Variants in RHOBTB3 observed in about 807,000 individuals in gnomAD.
The protein encoded by RHOBTB3 is rho-related BTB domain-containing protein 3.
Under a neutral mutation model 67.2 loss-of-function variants are expected in RHOBTB3, and 47 were observed. That is an observed-to-expected ratio of 0.70 (90% confidence interval 0.55 to 0.89). The LOEUF (loss-of-function observed/expected upper bound fraction) is 0.89, where lower values mean the gene tolerates loss of function less well. Among genes scored for constraint, RHOBTB3 ranks in the 40% least tolerant of loss-of-function variants. RHOBTB3 has a pLI of 0.00. For synonymous variants in RHOBTB3, 273 were observed against 274.2 expected, an observed-to-expected ratio of 1.00 and a Z score of 0.04; for missense variants, 631 against 750.0, an observed-to-expected ratio of 0.84 and a Z score of 1.85.
intron 4 of RHOBTB3, 56 bp from the exon 5 acceptor site, chr5:95,752,183 C>A: frequency 3.8e-6 from 4 of 1,060,896 alleles, no homozygotes; most frequent in African/African-American, 1.6e-5. Flanking sequence ...TGCAAATTTT[C>A]ATGTTGGATA....
chr5:95,718,339 A>AAGGCACTATCAGAGGGATC (rs1754747453), intron 1 of RHOBTB3, among the ~76,000 whole-genome samples: 1 of 152,244 alleles, frequency 6.6e-6, no homozygotes, highest in South Asian at 2.1e-4. Flanking sequence ...AGGTCTACAC[A>AAGGCACTATCAGAGGGATC]AGGCACTATC....
chr5:95,721,393 A>G (rs865805427), intron 1 of RHOBTB3, among the ~76,000 whole-genome samples: 1 of 152,216 alleles, frequency 6.6e-6, no homozygotes, highest in Admixed American at 6.5e-5. Context: ...AGCTGGTAAC[A>G]CAAGAACATG....
At chr5:95,781,085 C>G (rs1746033315) in intron 9 of RHOBTB3, among the ~76,000 whole-genome samples, 1 of 152,196 alleles carries the variant, frequency 6.6e-6, no homozygotes, top group South Asian at 2.1e-4. Context: ...TAGGTTGGAA[C>G]AGATCCAGCA....
chr5:95,792,067 G>A (rs1429719093), intron 11 of RHOBTB3, among the ~76,000 whole-genome samples: 2 of 152,112 alleles, frequency 1.3e-5, no homozygotes, highest in Non-Finnish European at 2.9e-5. Flanking sequence ...AAGAATGGAG[G>A]GATCCAACTC....
At chr5:95,726,687 T>C (rs1755063023), upstream of RHOBTB3, among the ~76,000 whole-genome samples, 1 of 152,252 alleles carries the variant, frequency 6.6e-6, no homozygotes, top group South Asian at 2.1e-4. Context: ...TGGGGGTTTT[T>C]GCTTGTGCTT....
At position 95,776,981 on chromosome 5, in the gene RHOBTB3, G is replaced by C. The variant is rs559995685; in HGVS notation, c.1283-3271G>C. Among the ~76,000 whole-genome samples the C allele has an allele frequency of 5.3e-5, 8 of 152,194 alleles. No individual in the cohort carries two copies. The South Asian group carries it at 1.7e-3, about 32-fold the overall frequency. On this transcript the variant is annotated intron_variant, in intron 8 of 11. Transcript: ENST00000379982. Reference sequence around the variant, plus strand: ...CCAGGCCTTCCCCCAAAACTGGCTGGAATTAGCCTAGGATAGAAAATGGGA... The same window carrying C: ...CCAGGCCTTCCCCCAAAACTGGCTGCAATTAGCCTAGGATAGAAAATGGGA...
chr5:95,755,813 GA>G (rs748138775), intron 6 of RHOBTB3, 52 bp downstream of exon 6: 1 of 1,586,360 alleles, frequency 6.3e-7, no homozygotes, highest in Non-Finnish European at 8.6e-7. Flanking sequence ...CTTTGGAAAT[GA>G]AATGTGCCTG....
At position 95,736,967 on chromosome 5, in the gene RHOBTB3, A is replaced by G. The variant is rs773173572; in HGVS notation, c.307A>G (p.Asn103Asp). Residue 103 changes from asparagine to aspartate, a missense_variant, in exon 3 of 12, where the codon AAT becomes GAT. Transcript: ENST00000379982. ...CATCATTGTGATCAAATACAACGTTAATGACAAGTTTTCATTCCATGAAGT... is the reference window on the plus strand; with the variant it reads ...CATCATTGTGATCAAATACAACGTTGATGACAAGTTTTCATTCCATGAAGT... The part of the protein sequence containing the change: ...ADIIVIKYNV[N>D]DKFSFHEVKD... The G allele has an allele frequency of 5.6e-6, 9 of 1,611,550 alleles. No homozygotes were observed. In the South Asian group the frequency reaches 9.9e-5, roughly 18 times the overall value.
Position 95,788,039 on chromosome 5 carries a change from TA to T in RHOBTB3, c.1624-715del, listed in dbSNP as rs1043127922. Among the ~76,000 whole-genome samples, 103 of 152,148 alleles carry T rather than the reference TA, an allele frequency of 6.8e-4. 1 individual carries two copies. Among genetic ancestry groups the T allele is most frequent in the Middle Eastern group, 6.8e-3 (2 of 294 alleles). ...ACATATTGTACCACAATAATAATAA[TA>T]AAAAAAAGAGTTCTATACTCATGTG... On this transcript the variant is annotated intron_variant, in intron 10 of 11. Coordinates refer to ENST00000379982, the MANE Select transcript of RHOBTB3 (RefSeq NM_014899.4).
chr5:95,736,895 T>C lies in RHOBTB3; in HGVS notation c.235T>C (p.Phe79Leu), dbSNP rs752912885. ...VVHDCPVWDI[F>L]DSDWYTSRNL... ...TATTTGCATTTTGGTTTAGGACATA[T>C]TTGACAGTGATTGGTACACTTCTCG... The change falls in exon 3 of 12, where the codon TTT becomes CTT. Residue 79 changes from phenylalanine (F) to leucine (L), a missense_variant. Coordinates refer to ENST00000379982, the MANE Select transcript of RHOBTB3 (RefSeq NM_014899.4). 28 of 1,598,386 alleles carry C rather than the reference T, an allele frequency of 1.8e-5. No individual in the cohort carries two copies. In the East Asian group the frequency reaches 6.4e-4, roughly 36 times the overall value.
Position 95,793,234 on chromosome 5 carries a change from G to C in RHOBTB3, c.*60G>C, listed in dbSNP as rs1044033156. The C allele has an allele frequency of 8.9e-7, 1 of 1,124,606 alleles. No individual in the cohort carries two copies. Among genetic ancestry groups the C allele is most frequent in the Non-Finnish European group, 1.3e-6 (1 of 775,354 alleles). 69.7% of individuals were successfully genotyped at this position (1,124,606 alleles called of 1,614,324 possible). ...TATTATGAAGAATGGGATACCTCCA[G>C]GTTCCAGTAAAATTCTTCTGACCGA... On this transcript the variant is annotated 3_prime_UTR_variant, in exon 12 of 12. Transcript: ENST00000379982.
At chr5:95,755,061 A>C (rs1745202165) in intron 5 of RHOBTB3, among the ~76,000 whole-genome samples, 1 of 152,222 alleles carries the variant, frequency 6.6e-6, no homozygotes, top group Non-Finnish European at 1.5e-5. Flanking sequence ...TGGGACACAC[A>C]AGTAAGAAGA....
intron 2 of RHOBTB3, among the ~76,000 whole-genome samples, chr5:95,735,259 C>CTTTTTTTTTTT (rs10718378): frequency 2.2e-5 from 3 of 133,690 alleles, no homozygotes; most frequent in Non-Finnish European, 3.2e-5. Context: ...CATATTTTGC[C>CTTTTTTTTTTT]TTTTTTTTTT....
chr5:95,732,841 C>T (rs1210095049), intron 2 of RHOBTB3: 5 of 152,158 alleles, frequency 3.3e-5, no homozygotes, highest in Admixed American at 2.0e-4. Context: ...TAAATATTTT[C>T]AGCATACAAT....
At chr5:95,763,719 C>G (rs542536096) in intron 7 of RHOBTB3, 99 bp downstream of exon 7, 77 of 671,808 alleles carry the variant, frequency 1.1e-4, no homozygotes, top group Middle Eastern at 4.0e-4. Context: ...GAGTCAAATA[C>G]TGTATAAATG....
At position 95,731,535 on chromosome 5, in the gene RHOBTB3, C is replaced by T. The variant is rs1755248180; in HGVS notation, c.-148C>T. On this transcript the variant is annotated 5_prime_UTR_variant, in exon 1 of 12. Transcript: ENST00000379982. The stretch of plus-strand genomic sequence containing the variant: ...TGGCTGGCGCGGCCCCGGCCCCGCT[C>T]TGCGTCGGCCCCGCCGCGGTGGAGG... 2.9e-6 allele frequency: 4 copies of T among 1,384,602 alleles called. No homozygotes were observed. The East Asian group carries it at 1.2e-4, about 43-fold the overall frequency. 85.8% of individuals were successfully genotyped at this position (1,384,602 alleles called of 1,614,324 possible). A position where few individuals can be genotyped will look rare whatever the true frequency, so the allele number is the denominator to read the frequency against.
intron 4 of RHOBTB3, 73 bp from the exon 5 acceptor site, chr5:95,752,166 C>T: frequency 4.6e-6 from 4 of 876,114 alleles, no homozygotes; most frequent in Non-Finnish European, 7.4e-6. Context: ...ACAATTGTGA[C>T]TTCAGATGCA....
chr5:95,755,684 A>C lies in RHOBTB3; in HGVS notation c.971A>C (p.Asn324Thr). ...GGTGCTAGCCATGAATCTTCAGGCA[A>C]CCCACCATTACGAGTCATTGTTAAA... ...FPGASHESSG[N>T]PPLRVIVKDA... The change falls in exon 6 of 12, where the codon AAC becomes ACC. Residue 324 changes from asparagine (N) to threonine (T), a missense_variant. Coordinates refer to ENST00000379982, the MANE Select transcript of RHOBTB3 (RefSeq NM_014899.4). The C allele has an allele frequency of 6.2e-7, 1 of 1,614,136 alleles. No homozygotes were observed. The highest frequency in any genetic ancestry group is 1.6e-4 in the Middle Eastern group (1 of 6,062).
chr5:95,785,171 A>T (rs1368507819), intron 10 of RHOBTB3, among the ~76,000 whole-genome samples: 1 of 152,240 alleles, frequency 6.6e-6, no homozygotes, highest in Non-Finnish European at 1.5e-5. Flanking sequence ...ACTTCTGTTT[A>T]TAGAAGGGAA....
Sources: gnomAD v4.1 joint callset for allele counts (sites outside exome capture counted in the v4.1 genomes callset) on GRCh38, gnomAD v4.1.1 for gene constraint, MANE v1.5 for transcripts, NCBI Gene and HGNC (gene_info 2026-07-23, HGNC 2026-07-21) for gene names.